Variants in PHF7 observed in about 807,000 individuals in gnomAD.
The protein encoded by PHF7 is E3 ubiquitin-protein ligase PHF7.
PHF7 carries 24 observed loss-of-function variants against 47.5 expected under a neutral mutation model. The ratio of observed to expected loss-of-function variants is 0.51; its 90% CI spans 0.37 to 0.71. The LOEUF is 0.71. Ranked by LOEUF, PHF7 falls within the 30% of genes least tolerant of loss-of-function variation. PHF7 has a pLI of 0.00. For missense variants in PHF7, 361 were observed against 456.8 expected, an observed-to-expected ratio of 0.79 and a Z score of 1.91; for synonymous variants, 156 against 153.8, an observed-to-expected ratio of 1.01 and a Z score of -0.11.
At chr3:52,418,702 GCTC>G (rs1250730813) in intron 4 of PHF7, among the ~76,000 whole-genome samples, 11 of 152,222 alleles carry the variant, frequency 7.2e-5, no homozygotes, top group African/African-American at 2.4e-4. Context: ...AGCCAGCTCT[GCTC>G]CTCCTTGTCC....
chr3:52,420,008 C>A, intron 5 of PHF7, 74 bp downstream of exon 5: 1 of 869,578 alleles, frequency 1.1e-6, no homozygotes, highest in South Asian at 1.7e-5. Flanking sequence ...TGTTTCTGTT[C>A]TCTTCCCTAC....
chr3:52,414,062 G>A lies in PHF7; in HGVS notation c.94+14G>A. On this transcript the variant is annotated intron_variant, in intron 3 of 10. Transcript: ENST00000327906. ...CTTCAGGGCCTGGTAAGAAAGACTG[G>A]AGCTTGTGTTCGCCCACTGCCTCCA... 1 of 1,602,784 alleles carries A rather than the reference G, an allele frequency of 6.2e-7. No individual in the cohort carries two copies. Among genetic ancestry groups the A allele is most frequent in the Non-Finnish European group, 8.5e-7 (1 of 1,169,724 alleles).
rs761997762 is a variant in PHF7, at chr3:52,423,263, C to T, written c.1092C>T (p.Tyr364=). ...AGTCCTCTCGTGGCAGGAGGAGCTACTCCTGGAGGTCCAAGGGTGTCAGAA... is the reference window on the plus strand; with the variant it reads ...AGTCCTCTCGTGGCAGGAGGAGCTATTCCTGGAGGTCCAAGGGTGTCAGAA... ...KPESSRGRRS[Y]SWRSKGVRIT... The change falls in exon 11 of 11, where the codon TAC becomes TAT. Residue 364 remains tyrosine, a synonymous_variant. Transcript: ENST00000327906. The T allele has an allele frequency of 4.3e-6, 7 of 1,614,162 alleles. No individual in the cohort carries two copies. The highest frequency in any genetic ancestry group is 3.4e-6 in the Non-Finnish European group (4 of 1,180,000).
intron 9 of PHF7, 159 bp from the exon 10 acceptor site, chr3:52,422,601 C>T: frequency 1.3e-6 from 1 of 786,984 alleles, no homozygotes; most frequent in Non-Finnish European, 2.2e-6. Context: ...GGGGTTACGA[C>T]TGATGGCAGG....
At position 52,420,980 on chromosome 3, in the gene PHF7, G is replaced by A. The variant is rs1705771079; in HGVS notation, c.491G>A (p.Cys164Tyr). ...HVGEESCILC[C>Y]EDLSQQSVEN... ...GGGGAGGAAAGCTGCATCTTATGTTGTGAAGACTTATCCCAACAGAGTGTT... is the reference window on the plus strand; with the variant it reads ...GGGGAGGAAAGCTGCATCTTATGTTATGAAGACTTATCCCAACAGAGTGTT... Residue 164 changes from cysteine to tyrosine, a missense_variant, in exon 7 of 11, where the codon TGT (cysteine) becomes TAT (tyrosine). Physicochemically the swap from Cys to Tyr is radical, Grantham distance 194. Transcript: ENST00000327906. 6.2e-7 allele frequency: 1 copy of A among 1,613,844 alleles called. No individual in the cohort carries two copies.
At chr3:52,411,858 C>G (rs1705452487) in intron 1 of PHF7, among the ~76,000 whole-genome samples, 1 of 152,214 alleles carries the variant, frequency 6.6e-6, no homozygotes, top group Admixed American at 6.5e-5. Flanking sequence ...GTACTCGGCT[C>G]AGATGGAGAC....
At chr3:52,422,177 A>C (rs759079522) in intron 8 of PHF7, 45 bp from the exon 9 acceptor site, 1 of 1,339,888 alleles carries the variant, frequency 7.5e-7, no homozygotes, top group South Asian at 1.2e-5. Flanking sequence ...CAAAAGTTTC[A>C]CCAACCCATT....
At chr3:52,416,435 C>T (rs1373533303) in intron 4 of PHF7, among the ~76,000 whole-genome samples, 2 of 151,296 alleles carry the variant, frequency 1.3e-5, no homozygotes, top group Admixed American at 6.6e-5. Context: ...CTGCCCACCT[C>T]GGCCTCCCAA....
rs1413075204 is a variant in PHF7, at chr3:52,423,248, T to C, written c.1077T>C (p.Arg359=). 3 of 1,614,152 alleles carry C rather than the reference T, an allele frequency of 1.9e-6. No individual in the cohort carries two copies. Among genetic ancestry groups the C allele is most frequent in the Non-Finnish European group, 2.5e-6 (3 of 1,179,992 alleles). Reference sequence around the variant, plus strand: ...TATTAGAAAAGCCAGAGTCCTCTCGTGGCAGGAGGAGCTACTCCTGGAGGT... The same window carrying C: ...TATTAGAAAAGCCAGAGTCCTCTCGCGGCAGGAGGAGCTACTCCTGGAGGT... ...PSLLEKPESS[R]GRRSYSWRSK... The change falls in exon 11 of 11, where the codon CGT becomes CGC. Residue 359 remains arginine, a synonymous_variant. Coordinates refer to ENST00000327906, the MANE Select transcript of PHF7 (RefSeq NM_016483.7).
chr3:52,414,675 C>T (rs902652350), intron 4 of PHF7, 88 bp downstream of exon 4: 1 of 733,664 alleles, frequency 1.4e-6, no homozygotes. Context: ...ATATCCACAG[C>T]CTTGTTTTTT....
At chr3:52,421,619 C>A in intron 7 of PHF7, 29 bp from the exon 8 acceptor site, 3 of 1,293,948 alleles carry the variant, frequency 2.3e-6, no homozygotes, top group Non-Finnish European at 3.4e-6. Context: ...TTTTTACAAA[C>A]ACAGAGCTCT....
rs1333311890 is a variant in PHF7 at position 52,422,393 on chromosome 3, G to C, written c.797+55G>C. ...TCTCATCAGTGCTATCTTAGAGTTA[G>C]ACCTTGGCACAGTTATTAGAAGTAA... On this transcript the variant is annotated intron_variant, in intron 9 of 10. Coordinates refer to ENST00000327906, the MANE Select transcript of PHF7 (RefSeq NM_016483.7). 44 of 1,105,556 alleles carry C rather than the reference G, an allele frequency of 4.0e-5. No individual in the cohort carries two copies. In the East Asian group the frequency reaches 1.0e-3, roughly 26 times the overall value. The allele number at this position is 1,105,556 out of a possible 1,614,324, so 68.5% of individuals were successfully genotyped here.
chr3:52,414,700 G>T, intron 4 of PHF7, 113 bp downstream of exon 4: 3 of 603,688 alleles, frequency 5.0e-6, no homozygotes, highest in Admixed American at 3.5e-5. Context: ...TTTCTTAATA[G>T]CTTTTTTGTT....
chr3:52,422,367 C>T (rs755239587), intron 9 of PHF7, 29 bp downstream of exon 9: 1 of 1,367,094 alleles, frequency 7.3e-7, no homozygotes, highest in South Asian at 1.2e-5. Flanking sequence ...CTAGAAAGAG[C>T]TCTCATCAGT....
chr3:52,420,101 A>T, intron 5 of PHF7, 167 bp downstream of exon 5: 1 of 758,158 alleles, frequency 1.3e-6, no homozygotes. Context: ...GGGTGTCCTA[A>T]GTGAGAAGAG....
chr3:52,421,633 CTG>C lies in PHF7; in HGVS notation c.574-13_574-12del, dbSNP rs776305381. On this transcript the variant is annotated splice_polypyrimidine_tract_variant and intron_variant, in intron 7 of 10. Transcript: ENST00000327906. ...GTTTTTACAAACACAGAGCTCTTCCCTGTTTCTCTTACAGAAATATGCCCACA... is the reference window on the plus strand; with the variant it reads ...GTTTTTACAAACACAGAGCTCTTCCCTTTCTCTTACAGAAATATGCCCACA... 6.8e-7 allele frequency: 1 copy of C among 1,460,552 alleles called. No homozygotes were observed. The highest frequency in any genetic ancestry group is 1.7e-5 in the Admixed American group (1 of 59,836). The allele number at this position is 1,460,552 out of a possible 1,614,324, so 90.5% of individuals were successfully genotyped here.
chr3:52,411,773 A>G (rs1705446835), intron 1 of PHF7, among the ~76,000 whole-genome samples: 1 of 152,260 alleles, frequency 6.6e-6, no homozygotes, highest in African/African-American at 2.4e-5. Flanking sequence ...TTGTTTACTA[A>G]TGAAAACAGG....
At chr3:52,412,963 T>C (rs374625607) in intron 2 of PHF7, 43 bp downstream of exon 2, 5 of 1,486,024 alleles carry the variant, frequency 3.4e-6, no homozygotes, top group African/African-American at 1.4e-5. Flanking sequence ...AATTGTCCAA[T>C]GGCCTGTGGT....
intron 4 of PHF7, among the ~76,000 whole-genome samples, chr3:52,418,131 T>A (rs554286473): frequency 6.6e-6 from 1 of 152,324 alleles, no homozygotes; most frequent in South Asian, 2.1e-4. Flanking sequence ...TTGGTCATGA[T>A]GTATTGTCCT....
Sources: gnomAD v4.1 joint callset for allele counts (sites outside exome capture counted in the v4.1 genomes callset) on GRCh38, gnomAD v4.1.1 for gene constraint, MANE v1.5 for transcripts, NCBI Gene and HGNC (gene_info 2026-07-23, HGNC 2026-07-21) for gene names.